Variants in MITF observed in about 807,000 individuals in gnomAD.
The protein encoded by MITF is microphthalmia-associated transcription factor.
Under a neutral mutation model 60.5 loss-of-function variants are expected in MITF, and 17 were observed. The observed-to-expected ratio is 0.28, with a 90% confidence interval of 0.19 to 0.42. MITF has a LOEUF of 0.42. MITF is among the 10% of genes least tolerant of loss of function. The pLI is 1.00. For synonymous variants in MITF, 260 were observed against 248.5 expected, an observed-to-expected ratio of 1.05 and a Z score of -0.43; for missense variants, 622 against 683.5, an observed-to-expected ratio of 0.91 and a Z score of 1.00.
intron 1 of MITF, among the ~76,000 whole-genome samples, chr3:69,773,526 C>T (rs1229842607): frequency 6.6e-6 from 1 of 152,084 alleles, no homozygotes; most frequent in Non-Finnish European, 1.5e-5. Flanking sequence ...CAATTTTATT[C>T]CTTCTTATAA....
At chr3:69,931,137 C>T (rs979545877) in intron 2 of MITF, among the ~76,000 whole-genome samples, 6 of 152,094 alleles carry the variant, frequency 3.9e-5, no homozygotes, top group African/African-American at 4.8e-5. Flanking sequence ...AAGCTAGGAG[C>T]GCATGTAAAA....
chr3:69,860,167 C>G (rs2063987122), intron 1 of MITF, among the ~76,000 whole-genome samples: 1 of 152,132 alleles, frequency 6.6e-6, no homozygotes, highest in Non-Finnish European at 1.5e-5. Flanking sequence ...TCTACATAAC[C>G]TTTAATGCAG....
chr3:69,918,762 T>C (rs1164352055), intron 2 of MITF, among the ~76,000 whole-genome samples: 2 of 152,242 alleles, frequency 1.3e-5, no homozygotes, highest in East Asian at 1.9e-4. Context: ...CATTATGCTT[T>C]GTATATAAGA....
intron 2 of MITF, among the ~76,000 whole-genome samples, chr3:69,933,676 G>T (rs1363272176): frequency 2.0e-5 from 3 of 152,098 alleles, no homozygotes; most frequent in African/African-American, 7.2e-5. Context: ...AAGTATTCTA[G>T]CTTTATTTTG....
At chr3:69,797,782 C>G (rs1164781112) in intron 1 of MITF, among the ~76,000 whole-genome samples, 2 of 152,154 alleles carry the variant, frequency 1.3e-5, no homozygotes, top group Non-Finnish European at 2.9e-5. Flanking sequence ...TCATCTATAA[C>G]CAAGGTTATC....
At chr3:69,879,915 T>C (rs2064445763) in intron 2 of MITF, among the ~76,000 whole-genome samples, 1 of 152,200 alleles carries the variant, frequency 6.6e-6, no homozygotes, top group Non-Finnish European at 1.5e-5. Context: ...GTCTCTTTGA[T>C]TTCTTGCTAG....
intron 3 of MITF, chr3:69,938,616 C>T (rs749357298): frequency 7.7e-5 from 104 of 1,344,714 alleles, no homozygotes; most frequent in Non-Finnish European, 8.9e-5. Flanking sequence ...TGCCACTGCC[C>T]GTTAAATCTG....
chr3:69,816,525 C>T (rs1425196412), intron 1 of MITF, among the ~76,000 whole-genome samples: 1 of 152,076 alleles, frequency 6.6e-6, no homozygotes. Context: ...AATCTGGTAC[C>T]AGCTGCTTTT....
intron 1 of MITF, among the ~76,000 whole-genome samples, chr3:69,775,701 G>A (rs956874803): frequency 6.6e-5 from 10 of 152,026 alleles, no homozygotes; most frequent in African/African-American, 2.4e-4. Flanking sequence ...TTCATTAATA[G>A]GATTCATAAT....
chr3:69,753,020 T>C (rs1703993112), intron 1 of MITF, among the ~76,000 whole-genome samples: 1 of 152,164 alleles, frequency 6.6e-6, no homozygotes, highest in African/African-American at 2.4e-5. Context: ...GGAGAAGGCC[T>C]CAAAAGCATT....
At chr3:69,793,973 A>G (rs1474678127) in intron 1 of MITF, among the ~76,000 whole-genome samples, 1 of 152,230 alleles carries the variant, frequency 6.6e-6, no homozygotes, top group Non-Finnish European at 1.5e-5. Flanking sequence ...TGCGTCTGAC[A>G]TCATTTTCTT....
rs529757397 is a variant in MITF, at chr3:69,961,393, A to T, written c.1179+1973A>T. Among the ~76,000 whole-genome samples, 522 of 150,708 alleles carry T rather than the reference A, an allele frequency of 3.5e-3. 5 individuals are homozygous for T. Among genetic ancestry groups the T allele is most frequent in the African/African-American group, 0.012 (481 of 40,892 alleles). On this transcript the variant is annotated intron_variant, in intron 9 of 9. Transcript: ENST00000352241. ...TGAGACTCCATCTCAAAAAAAAACAAAAAAATAAAAATAAAAATAAAACCA... is the reference window on the plus strand; with the variant it reads ...TGAGACTCCATCTCAAAAAAAAACATAAAAATAAAAATAAAAATAAAACCA...
chr3:69,952,661 T>G (rs1416574546), intron 7 of MITF, among the ~76,000 whole-genome samples: 1 of 152,272 alleles, frequency 6.6e-6, no homozygotes, highest in East Asian at 1.9e-4. Flanking sequence ...TCCCCAGGAA[T>G]ATGCGTGTTG....
intron 1 of MITF, among the ~76,000 whole-genome samples, chr3:69,764,366 T>G (rs2062257621): frequency 6.6e-6 from 1 of 152,212 alleles, no homozygotes. Flanking sequence ...GTCACTGAAT[T>G]TCTTAAATTA....
chr3:69,907,921 G>A (rs74630494), intron 2 of MITF, among the ~76,000 whole-genome samples: 2,328 of 152,264 alleles, frequency 0.015, 25 homozygotes, highest in Middle Eastern at 0.051. Context: ...AAAACAGTAA[G>A]TGTTACAAAT....
At chr3:69,842,120 A>G (rs1332969401) in intron 1 of MITF, among the ~76,000 whole-genome samples, 2 of 152,226 alleles carry the variant, frequency 1.3e-5, no homozygotes, top group African/African-American at 2.4e-5. Context: ...TGGAACTTAC[A>G]TTCTAGCAAA....
intron 1 of MITF, among the ~76,000 whole-genome samples, chr3:69,878,287 G>C (rs949107514): frequency 2.0e-5 from 3 of 152,210 alleles, no homozygotes; most frequent in Non-Finnish European, 4.4e-5. Context: ...GGCAAGATAA[G>C]TTATCAGAAA....
intron 1 of MITF, among the ~76,000 whole-genome samples, chr3:69,809,730 T>C (rs551238908): frequency 6.6e-6 from 1 of 152,196 alleles, no homozygotes; most frequent in Non-Finnish European, 1.5e-5. Flanking sequence ...TGAGATGTTG[T>C]TGTTTGCTTC....
At chr3:69,742,986 A>G (rs999202033) in intron 1 of MITF, among the ~76,000 whole-genome samples, 1 of 152,164 alleles carries the variant, frequency 6.6e-6, no homozygotes, top group African/African-American at 2.4e-5. Flanking sequence ...TCTCCATGCT[A>G]GACTGCAAAC....
Sources: allele counts gnomAD v4.1 joint callset (sites outside exome capture counted in the v4.1 genomes callset), GRCh38; gene constraint gnomAD v4.1.1; transcripts MANE v1.5; gene names NCBI Gene and HGNC (gene_info 2026-07-23, HGNC 2026-07-21).